The following RAB30 variants were observed in gnomAD, a reference collection of about 807,000 sequenced individuals.
The protein encoded by RAB30 is ras-related protein Rab-30.
RAB30 carries 9 observed loss-of-function variants against 25.1 expected under a neutral mutation model. The observed-to-expected ratio is 0.36, with a 90% confidence interval of 0.22 to 0.63. The LOEUF (loss-of-function observed/expected upper bound fraction) is 0.63. RAB30 is among the 20% of genes least tolerant of loss of function. The pLI is 0.69. For missense variants in RAB30, 140 were observed against 243.5 expected (o/e 0.58, Z 2.83); for synonymous variants, 77 against 86.4 (o/e 0.89, Z 0.60).
intron 1 of RAB30, among the ~76,000 whole-genome samples, chr11:83,025,617 T>C (rs759286528): frequency 6.6e-6 from 1 of 152,162 alleles, no homozygotes; most frequent in Non-Finnish European, 1.5e-5. Context: ...ACTGTGCTCA[T>C]GATACAAAGA....
chr11:83,053,669 T>C (rs1858401272), intron 1 of RAB30, among the ~76,000 whole-genome samples: 1 of 152,214 alleles, frequency 6.6e-6, no homozygotes, highest in Non-Finnish European at 1.5e-5. Flanking sequence ...CTTATAATCT[T>C]TCTCTAATCT....
chr11:83,020,490 C>T lies in RAB30; in HGVS notation c.-8-23166G>A, dbSNP rs145111884. Reference sequence around the variant, plus strand: ...GCTGGCCTGCACTTGCCCATTGGCACGAGCAGCCTGTTATGCCTGTTGCCA... The same window carrying T: ...GCTGGCCTGCACTTGCCCATTGGCATGAGCAGCCTGTTATGCCTGTTGCCA... On this transcript the variant is annotated intron_variant, in intron 1 of 4. Transcript: ENST00000527633. 3.2e-3 allele frequency among the ~76,000 whole-genome samples: 493 copies of T among 152,340 alleles called. 4 individuals are homozygous for T. The highest frequency in any genetic ancestry group is 0.011 in the African/African-American group (470 of 41,594).
At chr11:83,008,574 A>T (rs985810299) in intron 1 of RAB30, among the ~76,000 whole-genome samples, 4 of 152,154 alleles carry the variant, frequency 2.6e-5, no homozygotes, top group African/African-American at 9.7e-5. Flanking sequence ...GAGCACTTTT[A>T]GTTTCCTAAG....
chr11:83,067,613 A>C (rs915086919), intron 1 of RAB30, among the ~76,000 whole-genome samples: 4 of 152,212 alleles, frequency 2.6e-5, no homozygotes, highest in African/African-American at 9.6e-5. Flanking sequence ...GTTGCTCAAG[A>C]AAAAAACTCA....
chr11:83,024,594 A>G (rs765245443), intron 1 of RAB30, among the ~76,000 whole-genome samples: 4 of 152,118 alleles, frequency 2.6e-5, no homozygotes, highest in Admixed American at 6.5e-5. Flanking sequence ...AGGCAGTACA[A>G]TTCAAAGAAG....
chr11:83,037,480 C>T (rs1425199455), intron 1 of RAB30, among the ~76,000 whole-genome samples: 1 of 152,132 alleles, frequency 6.6e-6, no homozygotes, highest in African/African-American at 2.4e-5. Flanking sequence ...GAACTCCTGA[C>T]CTCACGTGAT....
chr11:82,984,555 C>T (rs773351970), intron 4 of RAB30, among the ~76,000 whole-genome samples: 1 of 152,152 alleles, frequency 6.6e-6, no homozygotes, highest in African/African-American at 2.4e-5. Context: ...CGATGCCACG[C>T]GTGGTCTACG....
At chr11:83,069,877 A>C (rs1037541693) in intron 1 of RAB30, among the ~76,000 whole-genome samples, 11 of 152,300 alleles carry the variant, frequency 7.2e-5, no homozygotes, top group African/African-American at 1.4e-4. Flanking sequence ...CATCCTGCCA[A>C]GCACAGACTG....
intron 1 of RAB30, among the ~76,000 whole-genome samples, chr11:83,030,276 C>T (rs1285860775): frequency 2.0e-5 from 3 of 151,424 alleles, no homozygotes; most frequent in Non-Finnish European, 2.9e-5. Flanking sequence ...GCAGGAGGAT[C>T]GCTTGAGACC....
chr11:83,046,230 G>A lies in RAB30; in HGVS notation c.-9+25461C>T, dbSNP rs184700064. ...TCCTGGAAAGTGATAGGCACCCAGT[G>A]TCTTAAAATTAAGATTCATACTTCC... On this transcript the variant is annotated intron_variant, in intron 1 of 4. Transcript: ENST00000527633. 6.0e-4 allele frequency among the ~76,000 whole-genome samples: 91 copies of A among 152,328 alleles called. 4 individuals are homozygous for A. The East Asian group carries it at 0.017, about 28-fold the overall frequency.
At chr11:83,066,923 T>C (rs1200787368) in intron 1 of RAB30, among the ~76,000 whole-genome samples, 1 of 152,224 alleles carries the variant, frequency 6.6e-6, no homozygotes, top group Non-Finnish European at 1.5e-5. Context: ...ATAGTCCTCT[T>C]CCAATGTGTT....
intron 1 of RAB30, chr11:83,038,610 C>G (rs1272544630): frequency 6.6e-6 from 1 of 152,096 alleles, no homozygotes; most frequent in African/African-American, 2.4e-5. Context: ...CACCTGAGGT[C>G]GGGAGATCAA....
intron 1 of RAB30, among the ~76,000 whole-genome samples, chr11:83,027,636 C>G (rs1400609228): frequency 1.3e-5 from 2 of 151,988 alleles, no homozygotes; most frequent in African/African-American, 2.4e-5. Flanking sequence ...TATAATTCAC[C>G]CTTTTAAAAT....
intron 1 of RAB30, among the ~76,000 whole-genome samples, chr11:83,013,941 T>G (rs1857358491): frequency 6.6e-6 from 1 of 152,242 alleles, no homozygotes; most frequent in Non-Finnish European, 1.5e-5. Flanking sequence ...GACATAAGTG[T>G]TGGCCTCTCC....
At chr11:83,051,313 G>A (rs921959298) in intron 1 of RAB30, among the ~76,000 whole-genome samples, 1 of 152,158 alleles carries the variant, frequency 6.6e-6, no homozygotes, top group Non-Finnish European at 1.5e-5. Context: ...CATTTTTATT[G>A]AGCCACTGAA....
chr11:83,009,609 T>C (rs1042879011), intron 1 of RAB30, among the ~76,000 whole-genome samples: 1 of 151,438 alleles, frequency 6.6e-6, no homozygotes, highest in Non-Finnish European at 1.5e-5. Flanking sequence ...ACACCAAAAA[T>C]AAATAAAATA....
chr11:83,057,523 G>C (rs1858481846), intron 1 of RAB30, among the ~76,000 whole-genome samples: 1 of 152,144 alleles, frequency 6.6e-6, no homozygotes, highest in South Asian at 2.1e-4. Context: ...ATTTAACATG[G>C]CTAATTAAAA....
At chr11:83,015,622 G>A (rs188295710) in intron 1 of RAB30, among the ~76,000 whole-genome samples, 250 of 152,274 alleles carry the variant, frequency 1.6e-3, no homozygotes, top group African/African-American at 5.8e-3. Context: ...ACTAGCAAAT[G>A]GATGTTATTT....
chr11:83,025,517 G>A (rs1857689741), intron 1 of RAB30, among the ~76,000 whole-genome samples: 1 of 152,172 alleles, frequency 6.6e-6, no homozygotes, highest in Non-Finnish European at 1.5e-5. Context: ...AAGACAAGAA[G>A]GAAAGGGGCA....
Sources: gnomAD v4.1 joint callset for allele counts (sites outside exome capture counted in the v4.1 genomes callset) on GRCh38, gnomAD v4.1.1 for gene constraint, MANE v1.5 for transcripts, NCBI Gene and HGNC (gene_info 2026-07-23, HGNC 2026-07-21) for gene names.